Variants in IGF1R observed in about 807,000 individuals in gnomAD.
IGF1R encodes insulin-like growth factor 1 receptor.
IGF1R carries 44 observed loss-of-function variants against 144.6 expected under a neutral mutation model. The ratio of observed to expected loss-of-function variants is 0.30; its 90% CI spans 0.24 to 0.39. The LOEUF (loss-of-function observed/expected upper bound fraction) is 0.39. IGF1R is among the 10% of genes least tolerant of loss of function. The pLI is 1.00. For synonymous variants in IGF1R, 795 were observed against 722.8 expected (o/e 1.10, Z -1.60); for missense variants, 1,355 against 1,833.7 (o/e 0.74, Z 4.77).
At chr15:98,880,303 A>G (rs1260432626) in intron 2 of IGF1R, among the ~76,000 whole-genome samples, 1 of 152,080 alleles carries the variant, frequency 6.6e-6, no homozygotes, top group African/African-American at 2.4e-5. Context: ...TAGCTCTCAA[A>G]ACCTCTATTT....
chr15:98,861,563 C>T (rs752385779), intron 2 of IGF1R, among the ~76,000 whole-genome samples: 3 of 152,196 alleles, frequency 2.0e-5, no homozygotes, highest in Admixed American at 2.0e-4. Context: ...GCAAGCAAAA[C>T]TTGTTTTCAT....
chr15:98,821,179 C>G (rs571685083), intron 2 of IGF1R, among the ~76,000 whole-genome samples: 1 of 152,144 alleles, frequency 6.6e-6, no homozygotes, highest in African/African-American at 2.4e-5. Context: ...GTGTAAACAA[C>G]TTCTGGTGTG....
intron 2 of IGF1R, among the ~76,000 whole-genome samples, chr15:98,868,327 C>CAAAAAA (rs55905905): frequency 0.13 from 6,487 of 49,786 alleles, 658 homozygotes; most frequent in East Asian, 0.38. Flanking sequence ...ACCTTGTCTC[C>CAAAAAA]AAAAAAAAAA....
At chr15:98,943,141 G>A in intron 19 of IGF1R, 89 bp downstream of exon 19, 2 of 1,466,392 alleles carry the variant, frequency 1.4e-6, no homozygotes, top group Non-Finnish European at 9.5e-7. Context: ...ATCTTTCTCT[G>A]TTCATTGTTA....
chr15:98,875,349 C>CTTTTTTTTTTTTTTTTTTTTTTTT (rs34303390), intron 2 of IGF1R, among the ~76,000 whole-genome samples: 1 of 130,206 alleles, frequency 7.7e-6, no homozygotes, highest in East Asian at 2.2e-4. Context: ...CTTTTCTTTT[C>CTTTTTTTTTTTTTTTTTTTTTTTT]TTTTTTTTTT....
rs143955493 is a variant in IGF1R, at chr15:98,853,390, C to T, written c.641-37935C>T. On this transcript the variant is annotated intron_variant, in intron 2 of 20. Transcript: ENST00000650285. ...AAGATGCGGAGCGGAGTTTGCGTGG[C>T]CCGGAGCAGCTCCAGTGTCTGAGGC... Among the ~76,000 whole-genome samples, 3 of 152,226 alleles carry T rather than the reference C, an allele frequency of 2.0e-5. No homozygotes were observed. In the East Asian group the frequency reaches 5.8e-4, roughly 29 times the overall value.
At chr15:98,722,595 T>C (rs908357496) in intron 2 of IGF1R, among the ~76,000 whole-genome samples, 4 of 152,166 alleles carry the variant, frequency 2.6e-5, no homozygotes, top group Non-Finnish European at 4.4e-5. Flanking sequence ...CTCTGACTAC[T>C]GTGTACAGCT....
intron 2 of IGF1R, among the ~76,000 whole-genome samples, chr15:98,758,876 T>C (rs1448065977): frequency 6.6e-6 from 1 of 152,212 alleles, no homozygotes; most frequent in Non-Finnish European, 1.5e-5. Flanking sequence ...TTTGTGTACA[T>C]TTTTCTTTGC....
chr15:98,729,433 A>T (rs921236299), intron 2 of IGF1R, among the ~76,000 whole-genome samples: 1 of 152,180 alleles, frequency 6.6e-6, no homozygotes, highest in African/African-American at 2.4e-5. Context: ...CACTGTTTGG[A>T]ATTTTTTAAC....
chr15:98,783,465 G>A (rs540219556), intron 2 of IGF1R, among the ~76,000 whole-genome samples: 1 of 152,232 alleles, frequency 6.6e-6, no homozygotes, highest in Admixed American at 6.5e-5. Flanking sequence ...ATTCATTCAG[G>A]TTGCTGTGTT....
intron 12 of IGF1R, 128 bp from the exon 13 acceptor site, chr15:98,924,397 C>A (rs971439427): frequency 9.0e-6 from 8 of 885,104 alleles, no homozygotes; most frequent in Admixed American, 5.1e-5. Flanking sequence ...TTTACTGACA[C>A]TCAGGATCAT....
chr15:98,908,652 C>T lies in IGF1R; in HGVS notation c.1248-33C>T, dbSNP rs370780526. 5.1e-6 allele frequency: 8 copies of T among 1,569,290 alleles called. No individual in the cohort carries two copies. The African/African-American group carries it at 8.1e-5, about 16-fold the overall frequency. ...GGCTAGAGGGGACTGTGGCCAAGGGCAGGTGCGCTAACATCGATTTCTGTG... is the reference window on the plus strand; with the variant it reads ...GGCTAGAGGGGACTGTGGCCAAGGGTAGGTGCGCTAACATCGATTTCTGTG... On this transcript the variant is annotated intron_variant, in intron 5 of 20. Coordinates refer to ENST00000650285, the MANE Select transcript of IGF1R (RefSeq NM_000875.5).
At chr15:98,775,293 C>T (rs2055684545) in intron 2 of IGF1R, among the ~76,000 whole-genome samples, 1 of 152,166 alleles carries the variant, frequency 6.6e-6, no homozygotes, top group African/African-American at 2.4e-5. Flanking sequence ...AGTCACAAGA[C>T]TGTAGGCAGA....
chr15:98,662,569 A>AT (rs113001138), intron 1 of IGF1R, among the ~76,000 whole-genome samples: 149 of 146,886 alleles, frequency 1.0e-3, no homozygotes, highest in Middle Eastern at 3.4e-3. Context: ...AAAGAATATG[A>AT]TTTTTTTTTT....
chr15:98,947,645 TTG>T (rs1371599643), intron 19 of IGF1R, among the ~76,000 whole-genome samples: 1 of 152,258 alleles, frequency 6.6e-6, no homozygotes, highest in Non-Finnish European at 1.5e-5. Flanking sequence ...TGTCTGAAAG[TTG>T]TGTGTGTACT....
intron 2 of IGF1R, among the ~76,000 whole-genome samples, chr15:98,764,674 C>T (rs1203864923): frequency 2.6e-5 from 4 of 152,250 alleles, no homozygotes; most frequent in East Asian, 1.9e-4. Flanking sequence ...TCTTCGTCTT[C>T]GAATAATTCT....
At chr15:98,860,013 T>G (rs2012059600) in intron 2 of IGF1R, among the ~76,000 whole-genome samples, 1 of 152,162 alleles carries the variant, frequency 6.6e-6, no homozygotes, top group African/African-American at 2.4e-5. Context: ...CCTCCCGGGT[T>G]CAAGCAATTC....
At chr15:98,912,313 G>C in intron 7 of IGF1R, among the ~76,000 whole-genome samples, 1 of 152,200 alleles carries the variant, frequency 6.6e-6, no homozygotes, top group East Asian at 1.9e-4. Flanking sequence ...GGATTACTAG[G>C]CTTTCAGAGT....
At chr15:98,900,102 C>T (rs3743261) in intron 5 of IGF1R, among the ~76,000 whole-genome samples, 6,464 of 152,208 alleles carry the variant, frequency 0.042, 230 homozygotes, top group East Asian at 0.14. Context: ...GAAAGAAACC[C>T]GGATTCACGA....
Sources: allele counts gnomAD v4.1 joint callset (sites outside exome capture counted in the v4.1 genomes callset), GRCh38; gene constraint gnomAD v4.1.1; transcripts MANE v1.5; gene names NCBI Gene and HGNC (gene_info 2026-07-23, HGNC 2026-07-21).